The following GPC3 variants were observed in gnomAD, a reference collection of about 807,000 sequenced individuals.
GPC3 encodes the protein glypican-3.
Under a neutral mutation model 34.4 loss-of-function variants are expected in GPC3, and 3 were observed. The ratio of observed to expected loss-of-function variants is 0.09; its 90% CI spans 0.04 to 0.23. The LOEUF (loss-of-function observed/expected upper bound fraction) is 0.23. GPC3 is among the 10% of genes least tolerant of loss of function. The probability of loss-of-function intolerance (pLI) is 1.00; values close to 1 mark genes in which losing one functional copy is unlikely to be tolerated. For synonymous variants in GPC3, 177 were observed against 174.0 expected, an observed-to-expected ratio of 1.02 and a Z score of -0.13; for missense variants, 351 against 445.6, an observed-to-expected ratio of 0.79 and a Z score of 1.91.
chrX:133,643,244 CT>C (rs202108399), intron 6 of GPC3, among the ~76,000 whole-genome samples: 6,785 of 110,484 alleles, frequency 0.061, 562 homozygotes, highest in African/African-American at 0.21. Flanking sequence ...GGCTATAAGG[CT>C]TGGAACACTG....
intron 5 of GPC3, among the ~76,000 whole-genome samples, chrX:133,678,084 G>A (rs1289799389): frequency 9.0e-6 from 1 of 111,548 alleles, no homozygotes; most frequent in Admixed American, 9.5e-5. Flanking sequence ...CCATCTTGCT[G>A]TGGCCTTTGG....
chrX:133,840,991 T>C (rs2075821353), intron 2 of GPC3, among the ~76,000 whole-genome samples: 1 of 110,168 alleles, frequency 9.1e-6, no homozygotes. Flanking sequence ...TCTATGTGTA[T>C]GTTTACTTTT....
chrX:133,726,262 G>A (rs2071406530), intron 3 of GPC3, among the ~76,000 whole-genome samples: 1 of 111,539 alleles, frequency 9.0e-6, no homozygotes, highest in Admixed American at 9.5e-5. Flanking sequence ...AAAAAACCTA[G>A]CATTCAGGTT....
intron 3 of GPC3, among the ~76,000 whole-genome samples, chrX:133,751,370 CT>C (rs2071667008): frequency 8.9e-6 from 1 of 111,967 alleles, no homozygotes; most frequent in East Asian, 2.8e-4. Flanking sequence ...GTAAAATTTA[CT>C]TTTGCAGAAG....
intron 2 of GPC3, among the ~76,000 whole-genome samples, chrX:133,848,989 A>C (rs374896516): frequency 2.7e-5 from 3 of 110,598 alleles, no homozygotes; most frequent in East Asian, 2.8e-4. Context: ...GCTGATCTCC[A>C]TCTGTACTGA....
Position 133,887,589 on chromosome X carries a change from C to T in GPC3, c.337+65461G>A, listed in dbSNP as rs1045778911. Among the ~76,000 whole-genome samples, 5 of 111,974 alleles carry T rather than the reference C, an allele frequency of 4.5e-5. No homozygotes were observed. The East Asian group carries it at 8.4e-4, about 19-fold the overall frequency. Reference sequence around the variant, plus strand: ...CTCTGGATATTAAAACCCATTTATGCCTAGTGTTCCATTATTGGAATGCTA... The same window carrying T: ...CTCTGGATATTAAAACCCATTTATGTCTAGTGTTCCATTATTGGAATGCTA... On this transcript the variant is annotated intron_variant, in intron 2 of 7. Transcript: ENST00000370818.
chrX:133,722,145 G>A (rs1287233171), intron 3 of GPC3, among the ~76,000 whole-genome samples: 2 of 111,347 alleles, frequency 1.8e-5, no homozygotes, highest in East Asian at 5.6e-4. Context: ...TTTATAGTCT[G>A]TAACTTATCT....
At chrX:133,616,855 G>A (rs1333729352) in intron 6 of GPC3, among the ~76,000 whole-genome samples, 1 of 108,563 alleles carries the variant, frequency 9.2e-6, no homozygotes, top group Non-Finnish European at 1.9e-5. Context: ...CCGCCACCTC[G>A]CCCAGCTAAT....
intron 7 of GPC3, among the ~76,000 whole-genome samples, chrX:133,554,982 T>C (rs1361873766): frequency 8.9e-6 from 1 of 112,592 alleles, no homozygotes. Context: ...CCTCCTGGGC[T>C]CATATGATCC....
intron 2 of GPC3, among the ~76,000 whole-genome samples, chrX:133,912,513 T>G (rs1396955824): frequency 1.3e-5 from 1 of 75,070 alleles, no homozygotes; most frequent in Non-Finnish European, 2.9e-5. Context: ...GGAATTGGGT[T>G]TTTTTTTTTT....
intron 3 of GPC3, among the ~76,000 whole-genome samples, chrX:133,705,373 C>T (rs765640604): frequency 9.0e-6 from 1 of 111,007 alleles, no homozygotes; most frequent in African/African-American, 3.3e-5. Flanking sequence ...GCTAATGTAG[C>T]TAGACACGGG....
intron 2 of GPC3, among the ~76,000 whole-genome samples, chrX:133,778,781 C>T (rs956522292): frequency 1.2e-4 from 13 of 111,420 alleles, no homozygotes; most frequent in African/African-American, 3.6e-4. Flanking sequence ...GTACAGGGCC[C>T]GTGGCTGATT....
At chrX:133,978,620 T>C (rs2076526110) in intron 1 of GPC3, among the ~76,000 whole-genome samples, 1 of 112,197 alleles carries the variant, frequency 8.9e-6, no homozygotes, top group South Asian at 3.7e-4. Context: ...AACTGGTTAC[T>C]TTTTTAAAAA....
intron 4 of GPC3, among the ~76,000 whole-genome samples, chrX:133,697,665 G>A (rs2071129472): frequency 8.9e-6 from 1 of 111,841 alleles, no homozygotes; most frequent in Non-Finnish European, 1.9e-5. Context: ...ATTCCTCAGA[G>A]CCTAACCCTT....
intron 7 of GPC3, among the ~76,000 whole-genome samples, chrX:133,582,880 C>T (rs749760677): frequency 9.0e-6 from 1 of 110,878 alleles, no homozygotes; most frequent in South Asian, 3.9e-4. Flanking sequence ...CTGCTTGTAG[C>T]CGGGGGGAGG....
At chrX:133,578,438 C>T (rs2069705558) in intron 7 of GPC3, among the ~76,000 whole-genome samples, 1 of 112,266 alleles carries the variant, frequency 8.9e-6, no homozygotes. Context: ...CCTGTAATCC[C>T]AGCACTTTGG....
chrX:133,654,668 C>T (rs375293840), intron 6 of GPC3, among the ~76,000 whole-genome samples: 4 of 109,514 alleles, frequency 3.7e-5, no homozygotes, highest in African/African-American at 1.4e-4. Flanking sequence ...GCCAAGATCA[C>T]GCCACTGCAC....
intron 3 of GPC3, among the ~76,000 whole-genome samples, chrX:133,737,129 A>G (rs2124467618): frequency 8.9e-6 from 1 of 112,643 alleles, no homozygotes; most frequent in Non-Finnish European, 1.9e-5. Flanking sequence ...GTATAATTCC[A>G]ACTATGTGAC....
At position 133,692,486 on chromosome X, in the gene GPC3, A is replaced by G; in HGVS notation, c.1175T>C (p.Ile392Thr). The G allele has an allele frequency of 1.7e-6, 2 of 1,206,819 alleles. No individual in the cohort carries two copies. The highest frequency in any genetic ancestry group is 2.2e-6 in the Non-Finnish European group (2 of 890,835). Reference protein sequence around the residue: ...ETLSSRRRELIQKLKSFISFY... With the variant: ...ETLSSRRRELTQKLKSFISFY... ...GCTGATGAAAGACTTCAACTTCTGA[A>G]TTAGTTCCCTAAAAGAAAAACAAAA... Residue 392 changes from isoleucine (I) to threonine (T), a missense_variant, in exon 5 of 8, where the codon ATT (isoleucine) becomes ACT (threonine). Coordinates refer to ENST00000370818, the MANE Select transcript of GPC3 (RefSeq NM_004484.4).
Sources: allele counts gnomAD v4.1 joint callset (sites outside exome capture counted in the v4.1 genomes callset), GRCh38; gene constraint gnomAD v4.1.1; transcripts MANE v1.5; gene names NCBI Gene and HGNC (gene_info 2026-07-23, HGNC 2026-07-21).